CDH13: variants seen among roughly 807,000 people sequenced by gnomAD.
CDH13 encodes the protein cadherin-13.
In CDH13, 24 loss-of-function variants were observed where a neutral mutation model predicts 63.8. The observed-to-expected ratio is 0.38, with a 90% CI of 0.27 to 0.53. CDH13 has a LOEUF of 0.53. Ranked by LOEUF, CDH13 falls within the 20% of genes least tolerant of loss-of-function variation. CDH13 has a pLI of 0.85. For missense variants in CDH13, 1,049 were observed against 903.1 expected (o/e 1.16, Z -2.07); for synonymous variants, 503 against 355.3 (o/e 1.42, Z -4.67).
At chr16:82,697,208 CA>C (rs1217723282) in intron 1 of CDH13, among the ~76,000 whole-genome samples, 1 of 152,112 alleles carries the variant, frequency 6.6e-6, no homozygotes, top group Non-Finnish European at 1.5e-5. Context: ...GGATATATTT[CA>C]AAACCACCAC....
At chr16:83,427,196 G>A (rs1045059881) in intron 6 of CDH13, among the ~76,000 whole-genome samples, 3 of 151,978 alleles carry the variant, frequency 2.0e-5, no homozygotes, top group African/African-American at 7.3e-5. Flanking sequence ...TTACAGGTGT[G>A]AGCCACCGCG....
At chr16:83,085,367 G>T (rs1282456629) in intron 3 of CDH13, among the ~76,000 whole-genome samples, 1 of 152,086 alleles carries the variant, frequency 6.6e-6, no homozygotes, top group Non-Finnish European at 1.5e-5. Flanking sequence ...GGGAATTCTG[G>T]GAGATACAGT....
chr16:83,280,307 G>T (rs1582596), intron 5 of CDH13, among the ~76,000 whole-genome samples: 132,673 of 152,272 alleles, frequency 0.87, 58,002 homozygotes, highest in East Asian at 1. Context: ...GTTCATAGTA[G>T]CTTTACCAGG....
At chr16:83,170,385 C>G (rs1190359473) in intron 4 of CDH13, among the ~76,000 whole-genome samples, 1 of 152,078 alleles carries the variant, frequency 6.6e-6, no homozygotes, top group Non-Finnish European at 1.5e-5. Context: ...GGAGTGTTTG[C>G]TTGACTGATG....
intron 1 of CDH13, among the ~76,000 whole-genome samples, chr16:82,717,916 C>G (rs892192677): frequency 1.3e-5 from 2 of 152,092 alleles, no homozygotes; most frequent in African/African-American, 4.8e-5. Flanking sequence ...CATCACAAAC[C>G]AAGATGAGTT....
intron 1 of CDH13, among the ~76,000 whole-genome samples, chr16:82,630,937 A>G (rs1253554821): frequency 2.0e-5 from 3 of 152,216 alleles, no homozygotes; most frequent in Non-Finnish European, 2.9e-5. Context: ...TTCTGAATCT[A>G]CAGCTCATTT....
intron 7 of CDH13, among the ~76,000 whole-genome samples, chr16:83,528,188 G>A (rs538800654): frequency 5.9e-5 from 9 of 152,264 alleles, no homozygotes; most frequent in South Asian, 2.1e-4. Context: ...ACACTTGCAC[G>A]CATGCCTTCT....
At chr16:82,652,847 G>T (rs1910886400) in intron 1 of CDH13, among the ~76,000 whole-genome samples, 1 of 152,008 alleles carries the variant, frequency 6.6e-6, no homozygotes, top group Non-Finnish European at 1.5e-5. Context: ...GGGTTCCAAT[G>T]AGAGAGGCAC....
At chr16:83,608,660 A>ATT (rs754678790) in intron 8 of CDH13, among the ~76,000 whole-genome samples, 4,920 of 109,790 alleles carry the variant, frequency 0.045, 167 homozygotes, top group East Asian at 0.17. Flanking sequence ...TAATTTTTGT[A>ATT]TTTTTTTTTT....
intron 5 of CDH13, among the ~76,000 whole-genome samples, chr16:83,315,489 C>T (rs1326365532): frequency 1.3e-5 from 2 of 152,048 alleles, no homozygotes; most frequent in Non-Finnish European, 2.9e-5. Flanking sequence ...GCTTTCTTTC[C>T]GTGAATGACT....
At chr16:83,094,037 G>A (rs1356686579) in intron 3 of CDH13, among the ~76,000 whole-genome samples, 10 of 152,136 alleles carry the variant, frequency 6.6e-5, no homozygotes, top group Non-Finnish European at 1.5e-4. Context: ...GGGTAAAGAG[G>A]TAGACCCATT....
intron 7 of CDH13, among the ~76,000 whole-genome samples, chr16:83,510,781 G>C (rs1366071833): frequency 6.6e-6 from 1 of 152,308 alleles, no homozygotes; most frequent in African/African-American, 2.4e-5. Context: ...CACATGATTA[G>C]TTTGAAAAAG....
intron 10 of CDH13, among the ~76,000 whole-genome samples, chr16:83,736,692 A>G (rs570846547): frequency 7.5e-4 from 114 of 152,284 alleles, no homozygotes; most frequent in African/African-American, 2.6e-3. Context: ...AACTATGTCA[A>G]TCACCCCTGG....
chr16:82,793,721 C>G (rs530823867), intron 1 of CDH13, among the ~76,000 whole-genome samples: 3 of 152,196 alleles, frequency 2.0e-5, no homozygotes, highest in Admixed American at 6.5e-5. Flanking sequence ...CTGTGCTGCT[C>G]GAGATGCTTG....
intron 6 of CDH13, among the ~76,000 whole-genome samples, chr16:83,443,757 T>G (rs2072570439): frequency 1.5e-5 from 2 of 130,658 alleles, no homozygotes; most frequent in Admixed American, 7.6e-5. Context: ...TATATATATA[T>G]ATATATGGAG....
chr16:83,346,976 C>G (rs763345833), intron 6 of CDH13, among the ~76,000 whole-genome samples: 48 of 152,154 alleles, frequency 3.2e-4, no homozygotes, highest in Non-Finnish European at 6.2e-4. Context: ...TGTTTTCTTT[C>G]TCAGCACCCT....
intron 4 of CDH13, among the ~76,000 whole-genome samples, chr16:83,194,573 C>T (rs191782702): frequency 4.6e-5 from 7 of 152,246 alleles, no homozygotes; most frequent in South Asian, 2.1e-4. Context: ...TTTCTATAGC[C>T]GAAACAATAA....
At chr16:83,643,969 A>C (rs1911554550) in intron 8 of CDH13, among the ~76,000 whole-genome samples, 1 of 152,120 alleles carries the variant, frequency 6.6e-6, no homozygotes, top group Non-Finnish European at 1.5e-5. Context: ...CGTTTGAGGA[A>C]CCTGCATGTG....
chr16:83,119,127 C>T (rs1446355743), intron 3 of CDH13, among the ~76,000 whole-genome samples: 1 of 152,190 alleles, frequency 6.6e-6, no homozygotes, highest in East Asian at 1.9e-4. Flanking sequence ...TGGAGGAGAC[C>T]TCTGCCTTGT....
Sources: gnomAD v4.1 joint callset for allele counts (sites outside exome capture counted in the v4.1 genomes callset) on GRCh38, gnomAD v4.1.1 for gene constraint, MANE v1.5 for transcripts, NCBI Gene and HGNC (gene_info 2026-07-23, HGNC 2026-07-21) for gene names.